Variants in C4orf36 observed in about 807,000 individuals in gnomAD.
C4orf36 encodes chromosome 4 open reading frame 36, also known as uncharacterized protein C4orf36.
C4orf36 carries 11 observed loss-of-function variants against 12.2 expected under a neutral mutation model. The observed-to-expected ratio is 0.90, with a 90% confidence interval of 0.57 to 1.49. The LOEUF (loss-of-function observed/expected upper bound fraction) is 1.49. Among genes scored for constraint, C4orf36 ranks in the 40% most tolerant of loss-of-function variants. The pLI, the probability that C4orf36 is intolerant of heterozygous loss-of-function variation, is 0.00. For missense variants in C4orf36, 137 were observed against 133.9 expected, an observed-to-expected ratio of 1.02 and a Z score of -0.11; for synonymous variants, 54 against 51.3, an observed-to-expected ratio of 1.05 and a Z score of -0.22.
At chr4:86,911,825 C>T in the C4orf36 span, among the ~76,000 whole-genome samples, 506 of 149,342 alleles carry the variant, frequency 3.4e-3, 1 homozygote, top group African/African-American at 0.012. Context: ...CAGCTGGGAC[C>T]ACAGGCATGC....
the C4orf36 span, among the ~76,000 whole-genome samples, chr4:86,908,597 ACACT>A: frequency 6.6e-6 from 1 of 150,962 alleles, no homozygotes; most frequent in African/African-American, 2.4e-5. Flanking sequence ...AAGTACACTT[ACACT>A]CTCTCTCTCT....
chr4:86,913,998 T>C, the C4orf36 span: 3 of 1,592,366 alleles, frequency 1.9e-6, no homozygotes, highest in African/African-American at 2.7e-5. Flanking sequence ...CAGTCTGCAT[T>C]TGAAGTCACA....
chr4:86,916,258 G>A, the C4orf36 span, among the ~76,000 whole-genome samples: 1 of 150,002 alleles, frequency 6.7e-6, no homozygotes, highest in Non-Finnish European at 1.5e-5. Context: ...TCTTGGAAAG[G>A]ACATAGACTA....
the C4orf36 span, chr4:86,935,035 G>C: frequency 6.6e-6 from 1 of 151,876 alleles, no homozygotes; most frequent in Non-Finnish European, 1.5e-5. Flanking sequence ...CGACGGGCGC[G>C]CGCGGCCCCT....
At chr4:86,932,705 G>A in the C4orf36 span, among the ~76,000 whole-genome samples, 1 of 126,048 alleles carries the variant, frequency 7.9e-6, no homozygotes. Flanking sequence ...CATCCCAGGA[G>A]CCCTCATATG....
At chr4:86,892,880 A>T (rs1277918915), upstream of C4orf36, among the ~76,000 whole-genome samples, 2 of 152,192 alleles carry the variant, frequency 1.3e-5, no homozygotes, top group Non-Finnish European at 2.9e-5. Context: ...ATTTGAATAC[A>T]TCAGATGGCC....
the C4orf36 span, chr4:86,933,647 A>G: frequency 6.6e-6 from 1 of 152,256 alleles, no homozygotes; most frequent in African/African-American, 2.4e-5. Context: ...ATATTTCACA[A>G]TGAAATGTAT....
the C4orf36 span, chr4:86,925,856 T>G: frequency 2.6e-5 from 4 of 151,530 alleles, no homozygotes; most frequent in African/African-American, 7.3e-5. Context: ...TTTCTTTGAC[T>G]ATATCATCTT....
At chr4:86,914,190 A>T in the C4orf36 span, 1 of 1,592,366 alleles carries the variant, frequency 6.3e-7, no homozygotes, top group Non-Finnish European at 8.6e-7. Flanking sequence ...CTACTTCACA[A>T]AAGTAGCTGC....
the C4orf36 span, among the ~76,000 whole-genome samples, chr4:86,898,307 G>A: frequency 7.9e-5 from 12 of 152,166 alleles, no homozygotes; most frequent in Admixed American, 5.9e-4. Flanking sequence ...CACAAGAATC[G>A]CTTGAGCCCA....
chr4:86,917,125 A>G, the C4orf36 span, among the ~76,000 whole-genome samples: 171 of 152,224 alleles, frequency 1.1e-3, no homozygotes, highest in Admixed American at 2.2e-3. Context: ...AAAAAAAATA[A>G]CAAAATTAGC....
the C4orf36 span, among the ~76,000 whole-genome samples, chr4:86,902,201 G>A: frequency 6.6e-6 from 1 of 152,028 alleles, no homozygotes; most frequent in Non-Finnish European, 1.5e-5. Context: ...CGAAAGGATT[G>A]TTTGAGCTCA....
At chr4:86,887,033 T>C (rs1747198158) in intron 4 of C4orf36, 1 of 151,578 alleles carries the variant, frequency 6.6e-6, no homozygotes, top group South Asian at 2.1e-4. Flanking sequence ...AAACACCGCA[T>C]GTTCTCACTC....
At chr4:86,917,114 CA>C in the C4orf36 span, among the ~76,000 whole-genome samples, 3 of 151,590 alleles carry the variant, frequency 2.0e-5, no homozygotes, top group Non-Finnish European at 4.4e-5. Flanking sequence ...ACCATTTCTA[CA>C]AAAAAAATAA....
chr4:86,884,545 G>A (rs895192001), intron 4 of C4orf36, among the ~76,000 whole-genome samples: 1 of 151,864 alleles, frequency 6.6e-6, no homozygotes, highest in Non-Finnish European at 1.5e-5. Context: ...GCCCAAGCGA[G>A]TCTCCCACCT....
intron 2 of C4orf36, among the ~76,000 whole-genome samples, chr4:86,889,282 C>T (rs912153074): frequency 3.4e-5 from 5 of 149,104 alleles, no homozygotes; most frequent in African/African-American, 5.0e-5. Flanking sequence ...ACCCGAGAGG[C>T]GGAGGTTGCA....
At chr4:86,893,872 A>T (rs933666749), upstream of C4orf36, among the ~76,000 whole-genome samples, 1 of 84,322 alleles carries the variant, frequency 1.2e-5, no homozygotes, top group Non-Finnish European at 2.7e-5. Context: ...ATTTTTATTT[A>T]TTTATTTATT....
the C4orf36 span, chr4:86,935,835 T>C: frequency 6.6e-6 from 1 of 152,126 alleles, no homozygotes; most frequent in African/African-American, 2.4e-5. Context: ...GAGGCGTCTT[T>C]AGTATGGGAC....
chr4:86,903,205 T>C, the C4orf36 span, among the ~76,000 whole-genome samples: 3 of 152,216 alleles, frequency 2.0e-5, no homozygotes, highest in African/African-American at 7.2e-5. Flanking sequence ...TAAAATATTG[T>C]TTATAAAAAT....
Sources: gnomAD v4.1 joint callset for allele counts (sites outside exome capture counted in the v4.1 genomes callset) on GRCh38, gnomAD v4.1.1 for gene constraint, MANE v1.5 for transcripts, NCBI Gene and HGNC (gene_info 2026-07-23, HGNC 2026-07-21) for gene names.